Variants in ARMC9 observed in about 807,000 individuals in gnomAD.
ARMC9 encodes lisH domain-containing protein ARMC9.
ARMC9 carries 94 observed loss-of-function variants against 107.0 expected under a neutral mutation model. The observed-to-expected ratio is 0.88, with a 90% CI of 0.74 to 1.04. ARMC9 has a LOEUF of 1.04. Among genes scored for constraint, ARMC9 ranks in the 50% least tolerant of loss-of-function variants. The pLI is 0.00. For missense variants in ARMC9, 942 were observed against 1,030.1 expected, an observed-to-expected ratio of 0.91 and a Z score of 1.17; for synonymous variants, 380 against 396.9, an observed-to-expected ratio of 0.96 and a Z score of 0.51.
At chr2:231,308,213 G>A (rs890081657) in intron 19 of ARMC9, among the ~76,000 whole-genome samples, 10 of 152,228 alleles carry the variant, frequency 6.6e-5, no homozygotes, top group African/African-American at 2.4e-4. Flanking sequence ...CAGTGCTTCC[G>A]TGTGCAGGCA....
intron 9 of ARMC9, among the ~76,000 whole-genome samples, chr2:231,245,931 A>G (rs1192479617): frequency 1.3e-5 from 2 of 152,304 alleles, no homozygotes; most frequent in East Asian, 1.9e-4. Context: ...ACCCACACCA[A>G]GCCTCTGCCC....
chr2:231,336,213 CT>C (rs200402527), intron 20 of ARMC9, among the ~76,000 whole-genome samples: 633 of 143,440 alleles, frequency 4.4e-3, no homozygotes, highest in Middle Eastern at 0.034. Flanking sequence ...AGAATCCCAG[CT>C]TTTTTTTTTT....
At position 231,255,763 on chromosome 2, in the gene ARMC9, C is replaced by T. The variant is rs548225264; in HGVS notation, c.880-823C>T. On this transcript the variant is annotated intron_variant, in intron 9 of 24. Coordinates refer to ENST00000611582, the MANE Select transcript of ARMC9 (RefSeq NM_001352754.2). The surrounding 1 kb of genome is among the most constrained non-coding windows in gnomAD (Gnocchi z 4.7). ...TAAAACTTTGCACATCTGGGCCAGG[C>T]GCAGTGGCTCACGCCTGTAATCCCA... Among the ~76,000 whole-genome samples, 11 of 152,230 alleles carry T rather than the reference C, an allele frequency of 7.2e-5. No individual in the cohort carries two copies. The South Asian group carries it at 1.7e-3, about 23-fold the overall frequency.
At chr2:231,338,655 T>A (rs2044292982) in intron 20 of ARMC9, among the ~76,000 whole-genome samples, 2 of 147,052 alleles carry the variant, frequency 1.4e-5, no homozygotes, top group South Asian at 4.3e-4. Flanking sequence ...TCTTCCCACC[T>A]CAGCCCCCCA....
intron 4 of ARMC9, among the ~76,000 whole-genome samples, chr2:231,215,942 A>G (rs2033453429): frequency 6.6e-6 from 1 of 152,168 alleles, no homozygotes; most frequent in African/African-American, 2.4e-5. Context: ...GTCAACTGAG[A>G]TGTGTTTGTA....
Position 231,301,763 on chromosome 2 carries a change from G to A in ARMC9, c.1773+5510G>A, listed in dbSNP as rs117681262. Among the ~76,000 whole-genome samples, 4 of 152,220 alleles carry A rather than the reference G, an allele frequency of 2.6e-5. No individual in the cohort carries two copies. In the East Asian group the frequency reaches 7.7e-4, roughly 29 times the overall value. Reference sequence around the variant, plus strand: ...AGAGGCCAAAACAGGCACATCACCTGAGGCCAGGAGTTCAAGACCACCCTG... The same window carrying A: ...AGAGGCCAAAACAGGCACATCACCTAAGGCCAGGAGTTCAAGACCACCCTG... On this transcript the variant is annotated intron_variant, in intron 19 of 24. Transcript: ENST00000611582.
At chr2:231,270,234 T>G (rs1255652269) in intron 12 of ARMC9, among the ~76,000 whole-genome samples, 1 of 152,110 alleles carries the variant, frequency 6.6e-6, no homozygotes, top group Non-Finnish European at 1.5e-5. Flanking sequence ...CCCTCTCCAT[T>G]TTGTTCTAGA....
Position 231,362,141 on chromosome 2 carries a change from G to A in ARMC9, c.2261+1258G>A, listed in dbSNP as rs913877382. On this transcript the variant is annotated intron_variant, in intron 23 of 24. Coordinates refer to ENST00000611582, the MANE Select transcript of ARMC9 (RefSeq NM_001352754.2). This position sits in a 1 kb window ranked among gnomAD's most constrained non-coding sequence, Gnocchi z 4.7. Reference sequence around the variant, plus strand: ...TCCAGTTCCACTGCCAACCTGCCTGGGGACCCAGGGACCTACCTCCCCTAC... The same window carrying A: ...TCCAGTTCCACTGCCAACCTGCCTGAGGACCCAGGGACCTACCTCCCCTAC... Among the ~76,000 whole-genome samples, 2 of 152,104 alleles carry A rather than the reference G, an allele frequency of 1.3e-5. No homozygotes were observed. Among genetic ancestry groups the A allele is most frequent in the African/African-American group, 2.4e-5 (1 of 41,404 alleles).
rs755816583 is a variant in ARMC9, at chr2:231,276,622, C to A, written c.1335-14C>A. The A allele has an allele frequency of 4.3e-6, 7 of 1,614,058 alleles. No individual in the cohort carries two copies. Among genetic ancestry groups the A allele is most frequent in the Non-Finnish European group, 5.9e-6 (7 of 1,179,986 alleles). On this transcript the variant is annotated splice_polypyrimidine_tract_variant and intron_variant, in intron 14 of 24. Coordinates refer to ENST00000611582, the MANE Select transcript of ARMC9 (RefSeq NM_001352754.2). ...CTTGGCAGTTTGTATTTACCGTAGG[C>A]TCTTTCTTCCCAGGCGCCCGCTGCA...
chr2:231,343,608 C>T (rs932428707), intron 20 of ARMC9, among the ~76,000 whole-genome samples: 2 of 152,068 alleles, frequency 1.3e-5, no homozygotes, highest in Non-Finnish European at 2.9e-5. Flanking sequence ...ACTAGTTTGA[C>T]AGTGATTTCC....
At chr2:231,266,563 C>G (rs2038874212) in intron 12 of ARMC9, among the ~76,000 whole-genome samples, 2 of 152,158 alleles carry the variant, frequency 1.3e-5, no homozygotes, top group Admixed American at 1.3e-4. Context: ...CTTTTTTCAT[C>G]TAGTAAAACT....
intron 16 of ARMC9, among the ~76,000 whole-genome samples, chr2:231,281,301 G>A (rs1055509292): frequency 6.6e-6 from 1 of 152,156 alleles, no homozygotes; most frequent in Non-Finnish European, 1.5e-5. Context: ...TTCATTGTAT[G>A]TGTGAAGACC....
intron 3 of ARMC9, among the ~76,000 whole-genome samples, chr2:231,211,969 A>G (rs552528538): frequency 6.6e-6 from 1 of 152,310 alleles, no homozygotes; most frequent in African/African-American, 2.4e-5. Context: ...AGATTTCCCA[A>G]ATGAAAAATG....
intron 11 of ARMC9, among the ~76,000 whole-genome samples, chr2:231,260,509 A>G (rs546959539): frequency 6.6e-6 from 1 of 152,356 alleles, no homozygotes; most frequent in South Asian, 2.1e-4. Flanking sequence ...ATCTGTGGAT[A>G]GAAACAGTTC....
At chr2:231,339,774 A>G (rs1302195608) in intron 20 of ARMC9, among the ~76,000 whole-genome samples, 3 of 152,248 alleles carry the variant, frequency 2.0e-5, no homozygotes, top group Non-Finnish European at 4.4e-5. Context: ...TCTACTTAAA[A>G]TACAAAAATT....
chr2:231,345,321 C>T (rs990006552), intron 21 of ARMC9: 3 of 661,646 alleles, frequency 4.5e-6, no homozygotes, highest in Non-Finnish European at 6.7e-6. Context: ...TCCAGGGCCA[C>T]TTCAGAAGAC....
At chr2:231,267,581 G>A (rs1269835036) in intron 12 of ARMC9, among the ~76,000 whole-genome samples, 1 of 152,140 alleles carries the variant, frequency 6.6e-6, no homozygotes, top group African/African-American at 2.4e-5. Context: ...GTGTATTTTG[G>A]CTTTACGCTC....
At chr2:231,323,713 A>G (rs1330163022) in intron 19 of ARMC9, among the ~76,000 whole-genome samples, 1 of 152,244 alleles carries the variant, frequency 6.6e-6, no homozygotes, top group African/African-American at 2.4e-5. Context: ...TAAAGGAGGC[A>G]GCCAAGTGAT....
At chr2:231,338,560 G>T (rs1027603585) in intron 20 of ARMC9, among the ~76,000 whole-genome samples, 1 of 117,718 alleles carries the variant, frequency 8.5e-6, no homozygotes, top group Non-Finnish European at 1.6e-5. Flanking sequence ...TTTTTTTTGC[G>T]ACAGTGTCTC....
Sources: gnomAD v4.1 joint callset for allele counts (sites outside exome capture counted in the v4.1 genomes callset) on GRCh38, gnomAD v4.1.1 for gene constraint, Gnocchi (gnomAD v3.1) non-coding constraint, MANE v1.5 for transcripts, NCBI Gene and HGNC (gene_info 2026-07-23, HGNC 2026-07-21) for gene names.